ELAVL4: variants seen among roughly 807,000 people sequenced by gnomAD.
The protein encoded by ELAVL4 is ELAV-like protein 4.
A neutral mutation model predicts 35.6 loss-of-function variants in ELAVL4; 1 was observed. The ratio of observed to expected loss-of-function variants is 0.03; its 90% CI spans 0.01 to 0.13. The LOEUF (loss-of-function observed/expected upper bound fraction) is 0.13. Among genes scored for constraint, ELAVL4 ranks in the 10% least tolerant of loss-of-function variants. ELAVL4 has a pLI of 1.00. For missense variants in ELAVL4, 267 were observed against 464.9 expected (o/e 0.57, Z 3.91); for synonymous variants, 156 against 171.0 (o/e 0.91, Z 0.69).
chr1:50,083,942 T>G (rs2148498830), intron 1 of ELAVL4, among the ~76,000 whole-genome samples: 1 of 152,320 alleles, frequency 6.6e-6, no homozygotes, highest in African/African-American at 2.4e-5. Context: ...TGAGTCTTTA[T>G]TGTTAAAAGG....
intron 2 of ELAVL4, chr1:50,174,672 T>G (rs552509140): frequency 6.6e-6 from 1 of 152,282 alleles, no homozygotes; most frequent in South Asian, 2.1e-4. Context: ...GCAGGGCTCC[T>G]TTCCCTCATT....
At chr1:50,187,339 T>C (rs759010109) in intron 3 of ELAVL4, among the ~76,000 whole-genome samples, 7 of 152,336 alleles carry the variant, frequency 4.6e-5, no homozygotes, top group South Asian at 2.1e-4. Context: ...CCATTGTTTA[T>C]TGAGCATTTA....
chr1:50,130,692 T>C (rs1670703813), intron 1 of ELAVL4, among the ~76,000 whole-genome samples: 1 of 152,184 alleles, frequency 6.6e-6, no homozygotes, highest in Non-Finnish European at 1.5e-5. Flanking sequence ...TTTATTTACT[T>C]CCTTGCAGGC....
At chr1:50,154,845 G>C (rs186938451) in intron 2 of ELAVL4, among the ~76,000 whole-genome samples, 1 of 151,010 alleles carries the variant, frequency 6.6e-6, no homozygotes, top group East Asian at 2.0e-4. Flanking sequence ...ATCCAAAAAG[G>C]ATTTTCATTG....
intron 1 of ELAVL4, among the ~76,000 whole-genome samples, chr1:50,059,737 ACAAATTGT>A: frequency 6.6e-6 from 1 of 152,368 alleles, no homozygotes; most frequent in East Asian, 1.9e-4. Flanking sequence ...GAATGCATAA[ACAAATTGT>A]TTTATATAAT....
At chr1:50,119,928 C>T (rs1249006600) in intron 1 of ELAVL4, among the ~76,000 whole-genome samples, 1 of 151,634 alleles carries the variant, frequency 6.6e-6, no homozygotes, top group African/African-American at 2.4e-5. Flanking sequence ...TAAGCTTGCA[C>T]GTTTAGTAAT....
intron 1 of ELAVL4, among the ~76,000 whole-genome samples, chr1:50,120,506 C>T (rs1033717978): frequency 1.3e-5 from 2 of 152,004 alleles, no homozygotes; most frequent in African/African-American, 4.8e-5. Flanking sequence ...TTGGTTTTGA[C>T]TTTGAATTGG....
intron 1 of ELAVL4, among the ~76,000 whole-genome samples, chr1:50,083,427 T>C (rs1665098029): frequency 1.3e-5 from 2 of 152,080 alleles, no homozygotes; most frequent in Admixed American, 1.3e-4. Context: ...GGTGAGGAAA[T>C]TGGAAGCTTA....
At chr1:50,048,311 G>T (rs1490620966) in intron 1 of ELAVL4, 12 of 1,215,488 alleles carry the variant, frequency 9.9e-6, no homozygotes, top group East Asian at 9.3e-5. Flanking sequence ...CTCCCAGGGA[G>T]GGGGAGAGGG....
chr1:50,145,282 G>A, intron 2 of ELAVL4, 85 bp downstream of exon 2: 2 of 1,578,372 alleles, frequency 1.3e-6, no homozygotes, highest in Non-Finnish European at 1.7e-6. Context: ...GCACCTGAAT[G>A]TCTATATCAT....
At position 50,073,977 on chromosome 1, in the gene ELAVL4, T is replaced by A. The variant is rs956597666; in HGVS notation, c.18+25795T>A. On this transcript the variant is annotated intron_variant, in intron 1 of 6. Transcript: ENST00000448907. ...CTGTGAACTGGTATTTAGCTAAGCA[T>A]GGCTGCAAAGCATGCTGAGTCATCA... Among the ~76,000 whole-genome samples the A allele has an allele frequency of 3.9e-5, 6 of 152,326 alleles. No homozygotes were observed. In the South Asian group the frequency reaches 1.2e-3, roughly 32 times the overall value.
intron 1 of ELAVL4, among the ~76,000 whole-genome samples, chr1:50,070,446 T>A (rs1664461555): frequency 6.6e-6 from 1 of 151,902 alleles, no homozygotes; most frequent in African/African-American, 2.4e-5. Context: ...CTAAAGAACA[T>A]GAAAATGCCA....
At chr1:50,165,772 G>GTGTATA (rs1557817199) in intron 2 of ELAVL4, among the ~76,000 whole-genome samples, 245 of 8,832 alleles carry the variant, frequency 0.028, 1 homozygote, top group African/African-American at 0.044. Context: ...GTGTGTATAT[G>GTGTATA]TGTGTATATA....
intron 3 of ELAVL4, among the ~76,000 whole-genome samples, chr1:50,185,724 A>AG (rs888001959): frequency 1.3e-5 from 2 of 152,094 alleles, no homozygotes; most frequent in Non-Finnish European, 1.5e-5. Flanking sequence ...ACATGAGGAG[A>AG]GGGGGGGACT....
chr1:50,076,314 G>A (rs1000959616), intron 1 of ELAVL4, among the ~76,000 whole-genome samples: 2 of 152,140 alleles, frequency 1.3e-5, no homozygotes, highest in African/African-American at 4.8e-5. Context: ...CGTCAAAAAT[G>A]CTACATACAG....
In ELAVL4 at chr1:50,095,233, A is replaced by T. The variant is rs1665670878; in HGVS notation, c.18+47051A>T. On this transcript the variant is annotated intron_variant, in intron 1 of 6. Coordinates refer to the ELAVL4 transcript ENST00000448907. ...TTGACTCCCAGTTCACTTTTCTTTC[A>T]TTATAGTATTATTTATACTAGACTA... 2.0e-5 allele frequency among the ~76,000 whole-genome samples: 3 copies of T among 152,248 alleles called. No individual in the cohort carries two copies. The South Asian group carries it at 6.2e-4, about 32-fold the overall frequency.
At chr1:50,188,669 C>T (rs1003744010) in intron 3 of ELAVL4, among the ~76,000 whole-genome samples, 1 of 152,194 alleles carries the variant, frequency 6.6e-6, no homozygotes, top group Non-Finnish European at 1.5e-5. Context: ...GAGCCTGCCC[C>T]CATAAGACTG....
chr1:50,127,939 C>T (rs80349568), intron 1 of ELAVL4, among the ~76,000 whole-genome samples: 7,629 of 152,202 alleles, frequency 0.05, 266 homozygotes, highest in Middle Eastern at 0.15. Flanking sequence ...AAAGAAATAA[C>T]ATGCCAGGCG....
chr1:50,060,178 C>T (rs987144621), intron 1 of ELAVL4, among the ~76,000 whole-genome samples: 4 of 152,136 alleles, frequency 2.6e-5, no homozygotes, highest in African/African-American at 7.2e-5. Flanking sequence ...TAAAGTTTAC[C>T]TGTCATATAC....
Sources: allele counts gnomAD v4.1 joint callset (sites outside exome capture counted in the v4.1 genomes callset), GRCh38; gene constraint gnomAD v4.1.1; transcripts MANE v1.5; gene names NCBI Gene and HGNC (gene_info 2026-07-23, HGNC 2026-07-21).